The following ATAD2B variants were observed in gnomAD, a reference collection of about 807,000 sequenced individuals.
ATAD2B encodes ATPase family AAA domain-containing protein 2B.
ATAD2B carries 40 observed loss-of-function variants against 167.6 expected under a neutral mutation model. That is an observed-to-expected ratio of 0.24 (90% CI 0.19 to 0.31). The LOEUF (loss-of-function observed/expected upper bound fraction) is 0.31, where lower values mean the gene tolerates loss of function less well. Among genes scored for constraint, ATAD2B ranks in the 10% least tolerant of loss-of-function variants. The pLI, the probability that ATAD2B is intolerant of heterozygous loss-of-function variation, is 1.00. For missense variants in ATAD2B, 1,242 were observed against 1,757.2 expected, an observed-to-expected ratio of 0.71 and a Z score of 5.24; for synonymous variants, 579 against 596.5, an observed-to-expected ratio of 0.97 and a Z score of 0.43.
intron 20 of ATAD2B, among the ~76,000 whole-genome samples, chr2:23,786,845 C>T (rs896848313): frequency 6.6e-6 from 1 of 152,030 alleles, no homozygotes; most frequent in East Asian, 1.9e-4. Context: ...TAAAGTATTA[C>T]ACACTGATTT....
intron 1 of ATAD2B, among the ~76,000 whole-genome samples, chr2:23,906,238 G>C (rs996116133): frequency 6.6e-6 from 1 of 152,064 alleles, no homozygotes; most frequent in South Asian, 2.1e-4. Flanking sequence ...CTACTCAGGA[G>C]ACTGAGACAG....
chr2:23,920,975 C>T (rs568688200), intron 1 of ATAD2B, among the ~76,000 whole-genome samples: 5 of 152,114 alleles, frequency 3.3e-5, no homozygotes, highest in South Asian at 4.2e-4. Flanking sequence ...GAGACCGAGG[C>T]GGGCGGGTCG....
intron 13 of ATAD2B, among the ~76,000 whole-genome samples, chr2:23,855,426 TAA>T (rs1491418776): frequency 6.6e-6 from 1 of 152,176 alleles, no homozygotes; most frequent in Non-Finnish European, 1.5e-5. Context: ...TGGCTAAAGT[TAA>T]AGACAGTTAA....
intron 13 of ATAD2B, 65 bp from the exon 14 acceptor site, chr2:23,834,143 T>A: frequency 2.9e-5 from 12 of 418,346 alleles, no homozygotes; most frequent in East Asian, 5.2e-5. Flanking sequence ...ATAACGTTTA[T>A]CAGTCTTTCT....
In ATAD2B at chr2:23,906,701, T is replaced by G. The variant is rs1048040804; in HGVS notation, c.217-10731A>C. Among the ~76,000 whole-genome samples, 10 of 152,018 alleles carry G rather than the reference T, an allele frequency of 6.6e-5. No individual in the cohort carries two copies. In the East Asian group the frequency reaches 1.2e-3, roughly 18 times the overall value. On this transcript the variant is annotated intron_variant, in intron 1 of 27. Coordinates refer to ENST00000238789, the MANE Select transcript of ATAD2B (RefSeq NM_017552.4). ...TTAGACCAATATCCTTGATGAACAT[T>G]GATGCAAAAATCCTCAATAAAATAC...
At chr2:23,796,192 A>C (rs1682591793) in intron 19 of ATAD2B, among the ~76,000 whole-genome samples, 1 of 152,226 alleles carries the variant, frequency 6.6e-6, no homozygotes, top group Non-Finnish European at 1.5e-5. Flanking sequence ...TTCAGCCCAC[A>C]AATACGATAT....
At chr2:23,917,174 T>C (rs1250604300) in intron 1 of ATAD2B, among the ~76,000 whole-genome samples, 2 of 152,196 alleles carry the variant, frequency 1.3e-5, no homozygotes, top group African/African-American at 4.8e-5. Flanking sequence ...ATTTACTGAA[T>C]GAATGAATGA....
chr2:23,885,787 G>A lies in ATAD2B; in HGVS notation c.615C>T (p.Ile205=). 6.3e-7 allele frequency: 1 copy of A among 1,596,696 alleles called. No homozygotes were observed. The highest frequency in any genetic ancestry group is 8.5e-7 in the Non-Finnish European group (1 of 1,170,320). ...CTTCTCCTGATCGACGATTCCGTCG[G>A]ATGTTAATGTTGTCCATTTCCTGTA... ...AVLQEMDNIN[I]RRNRRSGEVE... Residue 205 remains isoleucine (I), a synonymous_variant, in exon 5 of 28, where the codon ATC becomes ATT. Transcript: ENST00000238789.
intron 19 of ATAD2B, among the ~76,000 whole-genome samples, chr2:23,794,980 G>C (rs1682377397): frequency 6.6e-6 from 1 of 152,172 alleles, no homozygotes; most frequent in African/African-American, 2.4e-5. Context: ...AGTTCTAAAA[G>C]ATGAACTTGT....
In ATAD2B at chr2:23,926,908, C is replaced by A; in HGVS notation, c.-138G>T. On this transcript the variant is annotated 5_prime_UTR_variant, in exon 1 of 28. Transcript: ENST00000238789. ...CGGCCCGGAGCGTGCGGAGCGCAGA[C>A]GAGCACAAGAGAGAGCCGGGCAGAG... The A allele has an allele frequency of 1.8e-6, 2 of 1,092,128 alleles. No homozygotes were observed. The highest frequency in any genetic ancestry group is 1.7e-5 in the South Asian group (1 of 57,282). The allele number at this position is 1,092,128 out of a possible 1,614,324, so 67.7% of individuals were successfully genotyped here. A position where few individuals can be genotyped will look rare whatever the true frequency, so the allele number is the denominator to read the frequency against.
intron 22 of ATAD2B, among the ~76,000 whole-genome samples, chr2:23,770,577 C>T (rs369764062): frequency 6.6e-6 from 1 of 152,080 alleles, no homozygotes; most frequent in African/African-American, 2.4e-5. Context: ...TCCAATTGTT[C>T]CAACACTGTC....
intron 22 of ATAD2B, among the ~76,000 whole-genome samples, chr2:23,776,866 A>G (rs1284057595): frequency 6.6e-6 from 1 of 152,220 alleles, no homozygotes; most frequent in Non-Finnish European, 1.5e-5. Flanking sequence ...ATGACTTTCT[A>G]TATAGTAGGG....
chr2:23,841,573 T>A (rs12617034), intron 13 of ATAD2B, among the ~76,000 whole-genome samples: 1 of 152,046 alleles, frequency 6.6e-6, no homozygotes, highest in African/African-American at 2.4e-5. Context: ...TGGAGTACGG[T>A]AGTATTATCA....
chr2:23,853,185 A>G (rs1692842327), intron 13 of ATAD2B, among the ~76,000 whole-genome samples: 1 of 152,236 alleles, frequency 6.6e-6, no homozygotes, highest in Admixed American at 6.5e-5. Context: ...TGAAGGAAAC[A>G]GGCAGTGATT....
chr2:23,706,359 G>A, the ATAD2B span: 2 of 693,854 alleles, frequency 2.9e-6, no homozygotes, highest in African/African-American at 3.8e-5. Flanking sequence ...AGGGCAGCAA[G>A]ATCCCAGATG....
intron 18 of ATAD2B, among the ~76,000 whole-genome samples, chr2:23,805,143 CA>C (rs574560679): frequency 2.6e-3 from 301 of 113,784 alleles, no homozygotes; most frequent in Middle Eastern, 4.7e-3. Flanking sequence ...AACCCTGTCT[CA>C]AAAAAAAAAA....
intron 1 of ATAD2B, among the ~76,000 whole-genome samples, chr2:23,904,932 T>C (rs1392082918): frequency 6.6e-6 from 1 of 152,188 alleles, no homozygotes; most frequent in Non-Finnish European, 1.5e-5. Flanking sequence ...GCCAACACTA[T>C]TCTACAAAGT....
chr2:23,798,885 T>C (rs934670239), intron 18 of ATAD2B, among the ~76,000 whole-genome samples: 2 of 152,192 alleles, frequency 1.3e-5, no homozygotes, highest in African/African-American at 4.8e-5. Flanking sequence ...TTTTATAAAA[T>C]AGTCACAAAA....
the ATAD2B span, among the ~76,000 whole-genome samples, chr2:23,703,561 G>A: frequency 6.6e-6 from 1 of 152,228 alleles, no homozygotes; most frequent in Non-Finnish European, 1.5e-5. Flanking sequence ...GTGAGTCAAG[G>A]CTCCAGGTTC....
Sources: allele counts gnomAD v4.1 joint callset (sites outside exome capture counted in the v4.1 genomes callset), GRCh38; gene constraint gnomAD v4.1.1; transcripts MANE v1.5; gene names NCBI Gene and HGNC (gene_info 2026-07-23, HGNC 2026-07-21).